The following DNAI7 variants were observed in gnomAD, a reference collection of about 807,000 sequenced individuals.
DNAI7 encodes the protein cancer susceptibility 1.
Under a neutral mutation model 86.6 loss-of-function variants are expected in DNAI7, and 78 were observed. That is an observed-to-expected ratio of 0.90 (90% CI 0.75 to 1.09). The LOEUF (loss-of-function observed/expected upper bound fraction) is 1.09. Ranked by LOEUF, DNAI7 falls within the 50% of genes least tolerant of loss-of-function variation. The pLI, the probability that DNAI7 is intolerant of heterozygous loss-of-function variation, is 0.00. For missense variants in DNAI7, 753 were observed against 810.2 expected, an observed-to-expected ratio of 0.93 and a Z score of 0.86; for synonymous variants, 274 against 273.0, an observed-to-expected ratio of 1.00 and a Z score of -0.04.
chr12:25,172,333 G>C (rs1231227395), intron 2 of DNAI7, among the ~76,000 whole-genome samples: 1 of 151,590 alleles, frequency 6.6e-6, no homozygotes, highest in African/African-American at 2.4e-5. Context: ...CAAATCAAGA[G>C]CTCAACTCCT....
chr12:25,164,349 TTCTC>T lies in DNAI7; in HGVS notation c.22-3156_22-3153del, dbSNP rs749873637. ...CTGGGGCGCAAGAACCCCCCACCCC[TTCTC>T]TCTGTGTCTCTACTCTCTCTTTTCT... On this transcript the variant is annotated intron_variant, in intron 2 of 15. Coordinates refer to ENST00000395987, the MANE Select transcript of DNAI7 (RefSeq NM_018272.5). Among the ~76,000 whole-genome samples, 90 of 151,262 alleles carry T rather than the reference TTCTC, an allele frequency of 5.9e-4. No individual in the cohort carries two copies. In the Middle Eastern group the frequency reaches 0.01, roughly 17 times the overall value.
chr12:25,114,980 T>G, intron 12 of DNAI7, 110 bp from the exon 13 acceptor site: 1 of 802,980 alleles, frequency 1.2e-6, no homozygotes, highest in Non-Finnish European at 2.0e-6. Context: ...CTTTCATATT[T>G]AGAATAGAAA....
At chr12:25,163,726 T>A (rs1391990612) in intron 2 of DNAI7, among the ~76,000 whole-genome samples, 2 of 152,218 alleles carry the variant, frequency 1.3e-5, no homozygotes, top group Non-Finnish European at 2.9e-5. Flanking sequence ...CCTCTGGTCC[T>A]CAGACCAACC....
At chr12:25,125,287 T>C (rs1009752069) in intron 9 of DNAI7, among the ~76,000 whole-genome samples, 1 of 152,182 alleles carries the variant, frequency 6.6e-6, no homozygotes, top group Non-Finnish European at 1.5e-5. Flanking sequence ...AACTTTTATT[T>C]TTTGACTTTT....
At chr12:25,135,546 C>CG (rs989042261) in intron 9 of DNAI7, among the ~76,000 whole-genome samples, 17 of 152,024 alleles carry the variant, frequency 1.1e-4, no homozygotes, top group African/African-American at 4.1e-4. Context: ...CAGAGGGCAG[C>CG]GGGGAGGGCA....
chr12:25,114,850 C>G lies in DNAI7; in HGVS notation c.1417G>C (p.Gly473Arg), dbSNP rs1231144500. The G allele has an allele frequency of 6.2e-7, 1 of 1,612,796 alleles. No homozygotes were observed. The change falls in exon 13 of 16, where the codon GGC becomes CGC. Residue 473 changes from glycine (G) to arginine (R), a missense_variant. By Grantham distance (125) the Gly-to-Arg change is moderately radical. Coordinates refer to ENST00000395987, the MANE Select transcript of DNAI7 (RefSeq NM_018272.5). ...GGTTTGTAGGATACATTGCTGATGC[C>G]ATCAGTTCTCCAATGTTTACCTTTA... ...DAEGKHWRTD[G>R]ISNVSYKPKE...
chr12:25,144,114 G>A (rs4291763), intron 9 of DNAI7, among the ~76,000 whole-genome samples: 104,142 of 152,130 alleles, frequency 0.68, 39,687 homozygotes, highest in East Asian at 0.99. Context: ...AAAGCTGCCC[G>A]GTTGTGCACC....
At chr12:25,183,758 T>C (rs1183880543) in intron 2 of DNAI7, among the ~76,000 whole-genome samples, 7 of 152,172 alleles carry the variant, frequency 4.6e-5, no homozygotes, top group Non-Finnish European at 8.8e-5. Flanking sequence ...TTGGATTTTA[T>C]TCTTTATTAT....
At chr12:25,138,824 A>G (rs1943853111) in intron 9 of DNAI7, among the ~76,000 whole-genome samples, 1 of 151,892 alleles carries the variant, frequency 6.6e-6, no homozygotes, top group Non-Finnish European at 1.5e-5. Context: ...AACCAAACCC[A>G]AACAAAGCAG....
chr12:25,119,149 A>G lies in DNAI7; in HGVS notation c.1392T>C (p.Ala464=). Residue 464 remains alanine, a synonymous_variant, in exon 12 of 16, where the codon GCT becomes GCC. Coordinates refer to ENST00000395987, the MANE Select transcript of DNAI7 (RefSeq NM_018272.5). ...FEDPVVVRWD[A]EGKHWRTDGI... is the part of the protein sequence containing the mutation. ...ACATAATTATAAAAGCTGTACCTTC[A>G]GCATCCCACCTTACAACCACAGGAT... The G allele has an allele frequency of 6.3e-7, 1 of 1,594,456 alleles. No individual in the cohort carries two copies. Among genetic ancestry groups the G allele is most frequent in the Non-Finnish European group, 8.5e-7 (1 of 1,174,474 alleles).
At position 25,140,700 on chromosome 12, in the gene DNAI7, A is replaced by AG. The variant is rs989514687; in HGVS notation, c.1002+3664dup. Among the ~76,000 whole-genome samples, 16 of 71,008 alleles carry AG rather than the reference A, an allele frequency of 2.3e-4. 1 individual carries two copies. The highest frequency in any genetic ancestry group is 4.1e-4 in the African/African-American group (15 of 36,178). The allele number at this position is 71,008 out of a possible 152,430, so 46.6% of individuals were successfully genotyped here. A position where few individuals can be genotyped will look rare whatever the true frequency, so the allele number is the denominator to read the frequency against. On this transcript the variant is annotated intron_variant, in intron 9 of 15. Coordinates refer to ENST00000395987, the MANE Select transcript of DNAI7 (RefSeq NM_018272.5). ...TACCATCATCATTCTTCATGGAACT[A>AG]GAAAAAAAAATCCTAAAATTCATAT...
intron 10 of DNAI7, 87 bp from the exon 11 acceptor site, chr12:25,122,000 A>G: frequency 2.2e-6 from 2 of 925,782 alleles, no homozygotes; most frequent in Non-Finnish European, 3.2e-6. Flanking sequence ...CATACTGGTA[A>G]AGGAAGTTTC....
chr12:25,161,753 A>G (rs1946857358), intron 2 of DNAI7, among the ~76,000 whole-genome samples: 1 of 152,232 alleles, frequency 6.6e-6, no homozygotes, highest in Admixed American at 6.5e-5. Context: ...AAATGCAGGT[A>G]CAAGATAGGG....
chr12:25,190,862 C>T (rs1950453933), intron 1 of DNAI7, among the ~76,000 whole-genome samples: 2 of 152,130 alleles, frequency 1.3e-5, no homozygotes, highest in South Asian at 2.1e-4. Flanking sequence ...ACTAAGTTCA[C>T]CTACTGAACC....
chr12:25,134,156 G>A (rs1348095205), intron 9 of DNAI7, among the ~76,000 whole-genome samples: 2 of 151,118 alleles, frequency 1.3e-5, no homozygotes, highest in African/African-American at 4.9e-5. Context: ...CACCACATCC[G>A]GCTACTTTTT....
chr12:25,182,880 T>C (rs1256504585), intron 2 of DNAI7, among the ~76,000 whole-genome samples: 1 of 149,422 alleles, frequency 6.7e-6, no homozygotes, highest in East Asian at 2.0e-4. Context: ...GCCAAGATCA[T>C]GCCACTGCAC....
intron 13 of DNAI7, among the ~76,000 whole-genome samples, chr12:25,113,985 G>T (rs1446594065): frequency 1.8e-5 from 2 of 112,672 alleles, no homozygotes; most frequent in African/African-American, 7.3e-5. Context: ...TCACTCTGTT[G>T]CCCAGGCTGG....
chr12:25,150,081 T>C (rs1003062525), intron 6 of DNAI7, among the ~76,000 whole-genome samples: 20 of 152,312 alleles, frequency 1.3e-4, no homozygotes, highest in South Asian at 1.0e-3. Context: ...ATCTGTCTAA[T>C]GTAGATGCAA....
chr12:25,184,968 A>T (rs1424654708), intron 2 of DNAI7, among the ~76,000 whole-genome samples: 1 of 134,698 alleles, frequency 7.4e-6, no homozygotes, highest in Non-Finnish European at 1.6e-5. Context: ...CATCTCTATA[A>T]AAAAAAAAAA....
Sources: allele counts gnomAD v4.1 joint callset (sites outside exome capture counted in the v4.1 genomes callset), GRCh38; gene constraint gnomAD v4.1.1; transcripts MANE v1.5; gene names NCBI Gene and HGNC (gene_info 2026-07-23, HGNC 2026-07-21).